The following FNTB variants were observed in gnomAD, a reference collection of about 807,000 sequenced individuals.
FNTB encodes protein farnesyltransferase subunit beta.
A neutral mutation model predicts 59.4 loss-of-function variants in FNTB; 27 were observed. That is an observed-to-expected ratio of 0.45 (90% CI 0.34 to 0.63). The LOEUF is 0.63. Among genes scored for constraint, FNTB ranks in the 20% least tolerant of loss-of-function variants. FNTB has a pLI of 0.02. For missense variants in FNTB, 449 were observed against 559.6 expected (o/e 0.80, Z 1.99); for synonymous variants, 230 against 220.7 (o/e 1.04, Z -0.37).
rs905228071 is a variant in FNTB at position 65,011,392 on chromosome 14, G to A, written c.210-925G>A. ...TGCAGTAAGCTGAAATCACACCACT[G>A]CACTCCAGCCTGGGTGACAGAGCGA... On this transcript the variant is annotated intron_variant, in intron 2 of 11. Coordinates refer to ENST00000246166, the MANE Select transcript of FNTB (RefSeq NM_002028.4). This position sits in a 1 kb window ranked among gnomAD's most constrained non-coding sequence, Gnocchi z 4.0. 2.1e-5 allele frequency among the ~76,000 whole-genome samples: 3 copies of A among 139,648 alleles called. No individual in the cohort carries two copies. Among genetic ancestry groups the A allele is most frequent in the African/African-American group, 8.4e-5 (3 of 35,702 alleles). 91.6% of individuals were successfully genotyped at this position (139,648 alleles called of 152,430 possible).
chr14:65,012,033 T>C lies in FNTB; in HGVS notation c.210-284T>C, dbSNP rs2061691559. ...GTCATTGCCTGGCTGCGTGTGCTCA[T>C]TGCGGCTTTTCCGTTAGCCCAAAGT... On this transcript the variant is annotated intron_variant, in intron 2 of 11. Coordinates refer to ENST00000246166, the MANE Select transcript of FNTB (RefSeq NM_002028.4). The surrounding 1 kb of genome is among the most constrained non-coding windows in gnomAD (Gnocchi z 5.0). The C allele has an allele frequency of 2.9e-6, 1 of 349,584 alleles. No individual in the cohort carries two copies. Among genetic ancestry groups the C allele is most frequent in the Non-Finnish European group, 5.5e-6 (1 of 181,064 alleles). The allele number at this position is 349,584 out of a possible 1,614,324, so 21.7% of individuals were successfully genotyped here.
chr14:65,019,204 T>A (rs1478846038), intron 4 of FNTB, among the ~76,000 whole-genome samples: 1 of 150,820 alleles, frequency 6.6e-6, no homozygotes, highest in Non-Finnish European at 1.5e-5. Context: ...AAGAACTTTC[T>A]GGCTGGATGT....
chr14:65,050,955 G>C (rs1029444048), intron 9 of FNTB, among the ~76,000 whole-genome samples: 2 of 152,220 alleles, frequency 1.3e-5, no homozygotes, highest in Non-Finnish European at 2.9e-5. Context: ...AGTAAAAGAA[G>C]ATAGAGTGAA....
intron 1 of FNTB, among the ~76,000 whole-genome samples, chr14:64,996,429 C>T (rs909140013): frequency 1.3e-5 from 2 of 152,150 alleles, no homozygotes; most frequent in African/African-American, 2.4e-5. Context: ...TCAGTTGCCT[C>T]ATGATTAGAG....
intron 7 of FNTB, among the ~76,000 whole-genome samples, chr14:65,033,730 G>A (rs892606084): frequency 1.3e-5 from 2 of 152,090 alleles, no homozygotes; most frequent in South Asian, 2.1e-4. Flanking sequence ...GGTGGCGGGC[G>A]CCTGTAGTCC....
At position 65,027,585 on chromosome 14, in the gene FNTB, T is replaced by C. The variant is rs1415931880; in HGVS notation, c.507T>C (p.Tyr169=). The change falls in exon 5 of 12, where the codon TAT becomes TAC. Residue 169 remains tyrosine, a synonymous_variant. Transcript: ENST00000246166. The surrounding 1 kb of genome is among the most constrained non-coding windows in gnomAD (Gnocchi z 5.7). ...ALCIIGTEEA[Y]DIINREKLLQ... ...GCATCATTGGCACCGAGGAGGCCTA[T>C]GACATCATTAACAGGTACAGTGAAA... 3 of 1,614,214 alleles carry C rather than the reference T, an allele frequency of 1.9e-6. No individual in the cohort carries two copies. The highest frequency in any genetic ancestry group is 2.5e-6 in the Non-Finnish European group (3 of 1,180,028).
rs1238442288 is a variant in FNTB at position 65,054,463 on chromosome 14, G to A, written c.1068-112G>A. 11 of 1,093,270 alleles carry A rather than the reference G, an allele frequency of 1.0e-5. No homozygotes were observed. The highest frequency in any genetic ancestry group is 2.2e-5 in the Admixed American group (1 of 45,870). 67.7% of individuals were successfully genotyped at this position (1,093,270 alleles called of 1,614,324 possible). Reference sequence around the variant, plus strand: ...AAACCATGCCTCCTCTAGCCACATGGAGGATGGGGGGGGACGTGTGATTGC... The same window carrying A: ...AAACCATGCCTCCTCTAGCCACATGAAGGATGGGGGGGGACGTGTGATTGC... On this transcript the variant is annotated intron_variant, in intron 10 of 11. Coordinates refer to ENST00000246166, the MANE Select transcript of FNTB (RefSeq NM_002028.4). This position sits in a 1 kb window ranked among gnomAD's most constrained non-coding sequence, Gnocchi z 4.4.
chr14:65,024,422 G>T (rs1246750282), intron 4 of FNTB, among the ~76,000 whole-genome samples: 1 of 152,168 alleles, frequency 6.6e-6, no homozygotes, highest in Admixed American at 6.6e-5. Context: ...TGAGAATTTG[G>T]TAAAAATACA....
In FNTB at chr14:65,054,662, G is replaced by T. The variant is rs772897723; in HGVS notation, c.1155G>T (p.Val385=). The T allele has an allele frequency of 1.2e-6, 2 of 1,612,864 alleles. No individual in the cohort carries two copies. Among genetic ancestry groups the T allele is most frequent in the South Asian group, 1.1e-5 (1 of 90,680 alleles). ...HFGSGAMLHD[V]VLGVPENALQ... ...GCAGCGGAGCCATGTTGCATGATGT[G>T]GTCCTGGGTGTGCCCGAAAACGCTC... The change falls in exon 11 of 12, where the codon GTG becomes GTT. Residue 385 remains valine (V), a synonymous_variant. Transcript: ENST00000246166. This position sits in a 1 kb window ranked among gnomAD's most constrained non-coding sequence, Gnocchi z 4.4.
rs1250182477 is a variant in FNTB, at chr14:65,032,744, A to G, written c.692+48A>G. 4 of 1,571,248 alleles carry G rather than the reference A, an allele frequency of 2.5e-6. No individual in the cohort carries two copies. Among genetic ancestry groups the G allele is most frequent in the Non-Finnish European group, 3.5e-6 (4 of 1,157,638 alleles). ...CTGGCCTCTTGGAGAGCAGGCGGTC[A>G]CGACACTACTTCAGAAAAATAAAGA... On this transcript the variant is annotated intron_variant, in intron 7 of 11. Transcript: ENST00000246166. The surrounding 1 kb of genome is among the most constrained non-coding windows in gnomAD (Gnocchi z 5.0).
At position 65,041,770 on chromosome 14, in the gene FNTB, C is replaced by T. The variant is rs539195601; in HGVS notation, c.822+851C>T. 6.6e-5 allele frequency among the ~76,000 whole-genome samples: 10 copies of T among 152,304 alleles called. No individual in the cohort carries two copies. In the South Asian group the frequency reaches 8.3e-4, roughly 13 times the overall value. ...AAAGATTCATGAAGGCTTGAAGGCT[C>T]ATGCTGAAACAGCCAACTTTGTATG... is the stretch of plus-strand genomic sequence containing the variant. On this transcript the variant is annotated intron_variant, in intron 8 of 11. Transcript: ENST00000246166.
In FNTB at chr14:65,027,640, C is replaced by A; in HGVS notation, c.521+41C>A. 6.2e-7 allele frequency: 1 copy of A among 1,614,014 alleles called. No individual in the cohort carries two copies. The highest frequency in any genetic ancestry group is 1.3e-5 in the African/African-American group (1 of 75,050). On this transcript the variant is annotated intron_variant, in intron 5 of 11. Transcript: ENST00000246166. The surrounding 1 kb of genome is among the most constrained non-coding windows in gnomAD (Gnocchi z 5.7). ...GCAGTGACAGAAACCTAGAGGAGTT[C>A]CCCGCCTGCTGACACGCACTGACTG... is the stretch of plus-strand genomic sequence containing the variant.
intron 4 of FNTB, among the ~76,000 whole-genome samples, chr14:65,020,732 C>T (rs1012205529): frequency 1.8e-5 from 2 of 112,738 alleles, no homozygotes; most frequent in African/African-American, 5.9e-5. Flanking sequence ...CCGCGCCCGG[C>T]CTTTTTTTTT....
Position 64,987,091 on chromosome 14 carries a change from A to AG in FNTB, c.139dup (p.Glu47GlyfsTer48). On this transcript the variant is annotated frameshift_variant, in exon 1 of 12. Coordinates refer to ENST00000246166, the MANE Select transcript of FNTB (RefSeq NM_002028.4). LOFTEE classifies it high-confidence loss of function. ...ACTCGGTGGAAACAGTCACGTCCATAGAACAGGTGAGGTGGCAGGACTGGG... is the reference window on the plus strand; with the variant it reads ...ACTCGGTGGAAACAGTCACGTCCATAGGAACAGGTGAGGTGGCAGGACTGGG... 1 of 1,614,202 alleles carries AG rather than the reference A, an allele frequency of 6.2e-7. No individual in the cohort carries two copies. Among genetic ancestry groups the AG allele is most frequent in the South Asian group, 1.1e-5 (1 of 91,086 alleles).
intron 7 of FNTB, among the ~76,000 whole-genome samples, chr14:65,038,961 T>C (rs949830025): frequency 1.3e-5 from 2 of 152,222 alleles, no homozygotes; most frequent in African/African-American, 4.8e-5. Flanking sequence ...TCATATAATA[T>C]TTTATCTAAA....
chr14:64,997,026 TA>T lies in FNTB; in HGVS notation c.145-7212del, dbSNP rs895354413. Among the ~76,000 whole-genome samples the T allele has an allele frequency of 1.2e-3, 179 of 146,108 alleles. 2 individuals are homozygous for T. Among genetic ancestry groups the T allele is most frequent in the African/African-American group, 2.9e-3 (118 of 40,106 alleles). Reference sequence around the variant, plus strand: ...CATTTTGCCTTTTTTCATTTCACAGTAAAAAAAAAAATAGAAACAGAGTCTT... The same window carrying T: ...CATTTTGCCTTTTTTCATTTCACAGTAAAAAAAAAATAGAAACAGAGTCTT... On this transcript the variant is annotated intron_variant, in intron 1 of 11. Coordinates refer to ENST00000246166, the MANE Select transcript of FNTB (RefSeq NM_002028.4). The surrounding 1 kb of genome is among the most constrained non-coding windows in gnomAD (Gnocchi z 4.5).
chr14:65,013,635 C>T (rs1048238770), intron 3 of FNTB, among the ~76,000 whole-genome samples: 2 of 152,148 alleles, frequency 1.3e-5, no homozygotes, highest in Non-Finnish European at 2.9e-5. Flanking sequence ...CTGCAACCTC[C>T]GCCTCAGGTT....
intron 4 of FNTB, among the ~76,000 whole-genome samples, chr14:65,024,368 C>G (rs1307275395): frequency 6.6e-6 from 1 of 152,066 alleles, no homozygotes; most frequent in Non-Finnish European, 1.5e-5. Flanking sequence ...AGTTGTGCAG[C>G]AAGGACTAGT....
intron 9 of FNTB, among the ~76,000 whole-genome samples, chr14:65,046,724 G>A (rs1347454126): frequency 6.6e-6 from 1 of 152,146 alleles, no homozygotes; most frequent in Non-Finnish European, 1.5e-5. Flanking sequence ...GGGATGCAGT[G>A]TAGAAAGATA....
Sources: allele counts gnomAD v4.1 joint callset (sites outside exome capture counted in the v4.1 genomes callset), GRCh38; gene constraint gnomAD v4.1.1; non-coding constraint Gnocchi (gnomAD v3.1); transcripts MANE v1.5; gene names NCBI Gene and HGNC (gene_info 2026-07-23, HGNC 2026-07-21).